The following MUSK variants were observed in gnomAD, a reference collection of about 807,000 sequenced individuals.
The protein encoded by MUSK is muscle, skeletal receptor tyrosine-protein kinase.
MUSK carries 55 observed loss-of-function variants against 88.7 expected under a neutral mutation model. That is an observed-to-expected ratio of 0.62 (90% CI 0.50 to 0.78). The LOEUF (loss-of-function observed/expected upper bound fraction) is 0.78, where lower values mean the gene tolerates loss of function less well. Among genes scored for constraint, MUSK ranks in the 30% least tolerant of loss-of-function variants. MUSK has a pLI of 0.00. For missense variants in MUSK, 1,015 were observed against 1,074.3 expected, an observed-to-expected ratio of 0.94 and a Z score of 0.77; for synonymous variants, 387 against 391.9, an observed-to-expected ratio of 0.99 and a Z score of 0.15.
Position 110,694,414 on chromosome 9 carries a change from AC to A in MUSK, c.359-988del, listed in dbSNP as rs943664000. ...AAAAAAAAAAAAAAAAAACAAAAAA[AC>A]AAAACCCAACAGGTCATGAAGGCTT... On this transcript the variant is annotated intron_variant, in intron 3 of 14. Transcript: ENST00000374448. 3.8e-3 allele frequency among the ~76,000 whole-genome samples: 509 copies of A among 135,656 alleles called. 12 individuals carry two copies. The highest frequency in any genetic ancestry group is 0.011 in the East Asian group (52 of 4,644). The allele number at this position is 135,656 out of a possible 152,430, so 89.0% of individuals were successfully genotyped here.
At chr9:110,755,967 T>TATATATATATATACATATATATATAC (rs1564268908) in intron 7 of MUSK, among the ~76,000 whole-genome samples, 635 of 58,828 alleles carry the variant, frequency 0.011, 29 homozygotes, top group East Asian at 0.089. Context: ...TATATATACA[T>TATATATATATATACATATATATATAC]ATATATATAT....
chr9:110,677,886 A>G (rs887342795), intron 1 of MUSK, among the ~76,000 whole-genome samples: 1 of 152,194 alleles, frequency 6.6e-6, no homozygotes, highest in African/African-American at 2.4e-5. Flanking sequence ...AACTATGACT[A>G]TAGTAAATCC....
At chr9:110,779,970 G>A (rs1172365753) in intron 11 of MUSK, among the ~76,000 whole-genome samples, 1 of 151,848 alleles carries the variant, frequency 6.6e-6, no homozygotes, top group Non-Finnish European at 1.5e-5. Flanking sequence ...ATTAATAATG[G>A]TAATTTTTTC....
chr9:110,719,863 T>C (rs2076788312), intron 5 of MUSK, among the ~76,000 whole-genome samples: 1 of 152,048 alleles, frequency 6.6e-6, no homozygotes, highest in South Asian at 2.1e-4. Flanking sequence ...CTCAGTGAAT[T>C]TGAGAAAATA....
chr9:110,722,865 T>C (rs754482579), intron 5 of MUSK, among the ~76,000 whole-genome samples: 1 of 151,848 alleles, frequency 6.6e-6, no homozygotes, highest in Non-Finnish European at 1.5e-5. Context: ...CAAGAATGGC[T>C]ATAATAAAAA....
At chr9:110,686,473 C>T (rs1489116051) in intron 2 of MUSK, among the ~76,000 whole-genome samples, 6 of 152,138 alleles carry the variant, frequency 3.9e-5, no homozygotes, top group Admixed American at 3.3e-4. Context: ...AAAAGAAACT[C>T]TCTTTTATAT....
chr9:110,709,300 T>C (rs1457267277), intron 5 of MUSK, among the ~76,000 whole-genome samples: 2 of 152,192 alleles, frequency 1.3e-5, no homozygotes, highest in African/African-American at 2.4e-5. Flanking sequence ...GGCATTATTT[T>C]TGGAGAGGAC....
intron 14 of MUSK, among the ~76,000 whole-genome samples, chr9:110,790,223 G>A (rs1246871003): frequency 6.6e-6 from 1 of 152,186 alleles, no homozygotes; most frequent in Non-Finnish European, 1.5e-5. Context: ...AAACATGGAT[G>A]TTCACTGGTA....
At chr9:110,719,181 A>G (rs1413360616) in intron 5 of MUSK, among the ~76,000 whole-genome samples, 6 of 152,058 alleles carry the variant, frequency 3.9e-5, no homozygotes, top group Non-Finnish European at 8.8e-5. Flanking sequence ...AACAACAACA[A>G]CAACAAGGTA....
chr9:110,729,326 T>TAAAAAAAAAAAAAAAAAAAA (rs34882321), intron 5 of MUSK, among the ~76,000 whole-genome samples: 3 of 97,416 alleles, frequency 3.1e-5, no homozygotes, highest in Admixed American at 1.2e-4. Flanking sequence ...CTGTTTTCTG[T>TAAAAAAAAAAAAAAAAAAAA]AAAAAAAAAA....
At chr9:110,694,384 T>TGA (rs1279497628) in intron 3 of MUSK, among the ~76,000 whole-genome samples, 1 of 56,472 alleles carries the variant, frequency 1.8e-5, no homozygotes, top group Non-Finnish European at 3.4e-5. Flanking sequence ...AGACTCCGTC[T>TGA]CAAAAAAAAA....
At chr9:110,755,878 A>G (rs1026403644) in intron 7 of MUSK, among the ~76,000 whole-genome samples, 2 of 147,832 alleles carry the variant, frequency 1.4e-5, no homozygotes, top group Non-Finnish European at 3.0e-5. Context: ...GACTAATAAT[A>G]ATAATGTTAA....
At chr9:110,675,102 T>C (rs887999134) in intron 1 of MUSK, among the ~76,000 whole-genome samples, 1 of 152,132 alleles carries the variant, frequency 6.6e-6, no homozygotes, top group Admixed American at 6.6e-5. Flanking sequence ...GTGGAGGCTA[T>C]ACATTATCTC....
intron 1 of MUSK, among the ~76,000 whole-genome samples, chr9:110,672,158 CT>C (rs1489024356): frequency 6.6e-6 from 1 of 152,118 alleles, no homozygotes; most frequent in Admixed American, 6.5e-5. Flanking sequence ...TATTATTGAC[CT>C]TAAAGAAAAG....
intron 14 of MUSK, among the ~76,000 whole-genome samples, chr9:110,790,764 G>A (rs2077960319): frequency 6.6e-6 from 1 of 152,106 alleles, no homozygotes; most frequent in Non-Finnish European, 1.5e-5. Flanking sequence ...ATATAAAATG[G>A]ACTAGAGAAA....
At chr9:110,688,776 C>A (rs2131674846) in intron 3 of MUSK, among the ~76,000 whole-genome samples, 1 of 151,908 alleles carries the variant, frequency 6.6e-6, no homozygotes, top group South Asian at 2.1e-4. Flanking sequence ...CATCCATGTC[C>A]CTGCAAAGGA....
At chr9:110,689,715 ATATG>A in intron 3 of MUSK, among the ~76,000 whole-genome samples, 2 of 38,798 alleles carry the variant, frequency 5.2e-5, no homozygotes, top group African/African-American at 3.3e-4. Flanking sequence ...ATATAACTAT[ATATG>A]TTATATATAG....
chr9:110,779,048 G>A (rs554338525), intron 11 of MUSK, among the ~76,000 whole-genome samples: 7 of 131,398 alleles, frequency 5.3e-5, no homozygotes, highest in East Asian at 2.0e-4. Context: ...ATCATGAAGC[G>A]TCAGTGTCTC....
chr9:110,797,531 G>A (rs1185196514), intron 14 of MUSK, among the ~76,000 whole-genome samples: 3 of 152,138 alleles, frequency 2.0e-5, no homozygotes, highest in Non-Finnish European at 4.4e-5. Context: ...CAGGATATTG[G>A]AAGGAATCTA....
Sources: gnomAD v4.1 joint callset for allele counts (sites outside exome capture counted in the v4.1 genomes callset) on GRCh38, gnomAD v4.1.1 for gene constraint, MANE v1.5 for transcripts, NCBI Gene and HGNC (gene_info 2026-07-23, HGNC 2026-07-21) for gene names.